ETFA: variants seen among roughly 807,000 people sequenced by gnomAD.
ETFA encodes electron transfer flavoprotein subunit alpha.
In ETFA, 22 loss-of-function variants were observed where a neutral mutation model predicts 46.2. The observed-to-expected ratio is 0.48, with a 90% confidence interval of 0.34 to 0.68. The LOEUF (loss-of-function observed/expected upper bound fraction) is 0.68. ETFA is among the 30% of genes least tolerant of loss of function. The pLI is 0.01. For missense variants in ETFA, 345 were observed against 401.1 expected, an observed-to-expected ratio of 0.86 and a Z score of 1.19; for synonymous variants, 131 against 139.9, an observed-to-expected ratio of 0.94 and a Z score of 0.45.
intron 9 of ETFA, chr15:76,261,140 A>G: frequency 6.5e-7 from 1 of 1,530,022 alleles, no homozygotes; most frequent in Admixed American, 1.7e-5. Flanking sequence ...GTTACATTTA[A>G]AACAAATGGA....
At chr15:76,254,203 C>T (rs1004148897) in intron 9 of ETFA, among the ~76,000 whole-genome samples, 1 of 152,110 alleles carries the variant, frequency 6.6e-6, no homozygotes, top group Non-Finnish European at 1.5e-5. Flanking sequence ...AGACAGTATT[C>T]GTGACTGCCA....
Position 76,216,121 on chromosome 15 carries a change from T to G in ETFA, c.*438A>C, listed in dbSNP as rs770967889. The G allele has an allele frequency of 1.8e-5, 3 of 166,096 alleles. No individual in the cohort carries two copies. Among genetic ancestry groups the G allele is most frequent in the Non-Finnish European group, 3.9e-5 (3 of 77,882 alleles). The allele number at this position is 166,096 out of a possible 1,614,324, so 10.3% of individuals were successfully genotyped here. On this transcript the variant is annotated 3_prime_UTR_variant, in exon 12 of 12. Transcript: ENST00000557943. The stretch of plus-strand genomic sequence containing the variant: ...ATTCAGTTACCTTCTCCTATGAAGT[T>G]TGCCCTTCAACAATGAGATTAGTAG...
rs955485059 is a variant in ETFA, at chr15:76,272,034, C to T, written c.816+2378G>A. ...TATATTTCCTTATGAAAAAAAATTT[C>T]GATGGTTCTATATCCATAAGAGTAA... On this transcript the variant is annotated intron_variant, in intron 9 of 11. Transcript: ENST00000557943. Among the ~76,000 whole-genome samples, 8 of 151,680 alleles carry T rather than the reference C, an allele frequency of 5.3e-5. No individual in the cohort carries two copies. In the East Asian group the frequency reaches 1.2e-3, roughly 22 times the overall value.
At chr15:76,295,128 A>C (rs1418817216) in intron 2 of ETFA, among the ~76,000 whole-genome samples, 1 of 152,216 alleles carries the variant, frequency 6.6e-6, no homozygotes, top group Admixed American at 6.5e-5. Flanking sequence ...AACAACAAAC[A>C]AACCCAAGAA....
chr15:76,271,866 C>T (rs550121233), intron 9 of ETFA, among the ~76,000 whole-genome samples: 9 of 151,026 alleles, frequency 6.0e-5, no homozygotes, highest in Admixed American at 2.6e-4. Flanking sequence ...ACATAAATTA[C>T]GTGTGTATAT....
chr15:76,222,936 G>A (rs1439198511), intron 11 of ETFA, among the ~76,000 whole-genome samples: 2 of 151,234 alleles, frequency 1.3e-5, no homozygotes, highest in African/African-American at 2.4e-5. Context: ...CTGGGCCCAC[G>A]TGAACCTCCT....
intron 1 of ETFA, among the ~76,000 whole-genome samples, chr15:76,296,091 G>A (rs905432591): frequency 2.6e-5 from 4 of 151,492 alleles, no homozygotes; most frequent in Middle Eastern, 3.4e-3. Flanking sequence ...AACTACAGGC[G>A]CCCACCACCA....
At chr15:76,227,149 G>C (rs1374496880) in intron 10 of ETFA, among the ~76,000 whole-genome samples, 1 of 152,076 alleles carries the variant, frequency 6.6e-6, no homozygotes, top group Non-Finnish European at 1.5e-5. Context: ...TATAATCCCA[G>C]CACTTTGGGA....
chr15:76,285,828 T>C (rs1473720222), intron 6 of ETFA, 90 bp from the exon 7 acceptor site: 1 of 852,156 alleles, frequency 1.2e-6, no homozygotes, highest in Admixed American at 1.8e-5. Flanking sequence ...AAGTATATAA[T>C]TCCACGAAAT....
chr15:76,225,746 C>CAA, intron 11 of ETFA, 103 bp downstream of exon 11: 1 of 829,904 alleles, frequency 1.2e-6, no homozygotes, highest in Admixed American at 1.7e-5. Flanking sequence ...CACAGACACA[C>CAA]AAACACACAA....
At chr15:76,232,938 A>G (rs2039084613) in intron 9 of ETFA, among the ~76,000 whole-genome samples, 1 of 152,210 alleles carries the variant, frequency 6.6e-6, no homozygotes, top group Admixed American at 6.5e-5. Context: ...AAAGTGTCCA[A>G]CTGCTCCTAG....
chr15:76,278,585 T>G (rs1196113045), intron 8 of ETFA, among the ~76,000 whole-genome samples: 1 of 152,214 alleles, frequency 6.6e-6, no homozygotes, highest in Non-Finnish European at 1.5e-5. Flanking sequence ...TATTTTCCTC[T>G]AAATAAATAA....
At chr15:76,295,524 G>T in intron 2 of ETFA, 67 bp downstream of exon 2, 1 of 1,363,188 alleles carries the variant, frequency 7.3e-7, no homozygotes, top group Non-Finnish European at 1.1e-6. Flanking sequence ...ATAATTCTCT[G>T]TTGCCATCTT....
chr15:76,243,942 G>A (rs946585274), intron 9 of ETFA, among the ~76,000 whole-genome samples: 11 of 151,828 alleles, frequency 7.2e-5, no homozygotes, highest in Non-Finnish European at 2.9e-5. Context: ...GCTGGAGTGC[G>A]ATGGTGCGAT....
At chr15:76,260,961 G>A in intron 9 of ETFA, 3 of 1,610,826 alleles carry the variant, frequency 1.9e-6, no homozygotes, top group Non-Finnish European at 2.5e-6. Flanking sequence ...TCGGCCATCA[G>A]CACCTGGCAT....
chr15:76,248,618 T>C (rs1204748680), intron 9 of ETFA, among the ~76,000 whole-genome samples: 1 of 152,164 alleles, frequency 6.6e-6, no homozygotes, highest in Non-Finnish European at 1.5e-5. Context: ...AGAAAATGTA[T>C]GCAACACACA....
chr15:76,269,345 G>A (rs1006675428), intron 9 of ETFA, among the ~76,000 whole-genome samples: 1 of 152,156 alleles, frequency 6.6e-6, no homozygotes, highest in Non-Finnish European at 1.5e-5. Flanking sequence ...ATACCTAGTG[G>A]CCTTTGGAAC....
chr15:76,216,942 G>T lies in ETFA; in HGVS notation c.964-345C>A, dbSNP rs561420543. 2.1e-3 allele frequency among the ~76,000 whole-genome samples: 318 copies of T among 148,792 alleles called. 1 individual carries two copies. Among genetic ancestry groups the T allele is most frequent in the African/African-American group, 7.6e-3 (304 of 39,948 alleles). On this transcript the variant is annotated intron_variant, in intron 11 of 11. Coordinates refer to ENST00000557943, the MANE Select transcript of ETFA (RefSeq NM_000126.4). ...CTCACTGCAGCATCTACCTCCTGGG[G>T]TCAATCACTCCTCCCACCTCAGCCT... is the stretch of plus-strand genomic sequence containing the variant.
chr15:76,243,656 G>A (rs902402436), intron 9 of ETFA, among the ~76,000 whole-genome samples: 11 of 151,724 alleles, frequency 7.3e-5, no homozygotes, highest in African/African-American at 2.4e-4. Flanking sequence ...ACAATTAGCC[G>A]GGCGTGGTGG....
Sources: allele counts gnomAD v4.1 joint callset (sites outside exome capture counted in the v4.1 genomes callset), GRCh38; gene constraint gnomAD v4.1.1; transcripts MANE v1.5; gene names NCBI Gene and HGNC (gene_info 2026-07-23, HGNC 2026-07-21).